The following REV3L variants were observed in gnomAD, a reference collection of about 807,000 sequenced individuals.
REV3L encodes DNA polymerase zeta catalytic subunit.
A neutral mutation model predicts 299.4 loss-of-function variants in REV3L; 69 were observed. That is an observed-to-expected ratio of 0.23 (90% CI 0.19 to 0.28). REV3L has a LOEUF of 0.28. REV3L is among the 10% of genes least tolerant of loss of function. The pLI is 1.00. For synonymous variants in REV3L, 1,238 were observed against 1,271.4 expected (o/e 0.97, Z 0.56); for missense variants, 3,128 against 3,693.8 (o/e 0.85, Z 3.97).
chr6:111,300,802 C>T (rs1002187513), intron 31 of REV3L, among the ~76,000 whole-genome samples: 4 of 152,130 alleles, frequency 2.6e-5, no homozygotes, highest in Admixed American at 2.0e-4. Flanking sequence ...GGATGTATAT[C>T]GCCTCAGGAC....
intron 1 of REV3L, among the ~76,000 whole-genome samples, chr6:111,425,498 A>G (rs2128294039): frequency 6.6e-6 from 1 of 152,322 alleles, no homozygotes; most frequent in East Asian, 1.9e-4. Context: ...AAATAAGCCC[A>G]TGAAAATCAC....
chr6:111,444,557 AAAG>A, intron 1 of REV3L, among the ~76,000 whole-genome samples: 1 of 152,354 alleles, frequency 6.6e-6, no homozygotes, highest in South Asian at 2.1e-4. Flanking sequence ...AAAAATGGTG[AAAG>A]AATATGATGG....
upstream of REV3L, chr6:111,483,392 G>A (rs1794017137): frequency 2.2e-6 from 1 of 460,902 alleles, no homozygotes; most frequent in Non-Finnish European, 3.9e-6. Flanking sequence ...CACGCGGCGA[G>A]GGAGGCGGCC....
At chr6:111,387,942 C>T in intron 8 of REV3L, 29 bp from the exon 9 acceptor site, 2 of 1,610,550 alleles carry the variant, frequency 1.2e-6, no homozygotes, top group Non-Finnish European at 1.7e-6. Flanking sequence ...TCCTTTATAA[C>T]AGACTACATA....
At chr6:111,471,440 A>C (rs1282969043) in intron 1 of REV3L, among the ~76,000 whole-genome samples, 1 of 152,186 alleles carries the variant, frequency 6.6e-6, no homozygotes, top group Admixed American at 6.5e-5. Context: ...AGTTTCTCCT[A>C]ATGTGAGGAA....
intron 1 of REV3L, among the ~76,000 whole-genome samples, chr6:111,469,331 G>C (rs1255801732): frequency 6.6e-6 from 1 of 152,086 alleles, no homozygotes; most frequent in Non-Finnish European, 1.5e-5. Flanking sequence ...GACAAAAATG[G>C]AATAAAAACA....
intron 13 of REV3L, among the ~76,000 whole-genome samples, chr6:111,371,649 C>T (rs1779807036): frequency 6.6e-6 from 1 of 151,872 alleles, no homozygotes; most frequent in Non-Finnish European, 1.5e-5. Flanking sequence ...CTACAACCTC[C>T]ACCTCCTGGG....
chr6:111,411,378 T>C, intron 3 of REV3L, 102 bp downstream of exon 3: 1 of 746,702 alleles, frequency 1.3e-6, no homozygotes, highest in Admixed American at 2.9e-5. Context: ...TCTCTGTCTT[T>C]AATAAGACTA....
intron 26 of REV3L, among the ~76,000 whole-genome samples, chr6:111,318,494 T>G (rs1773780779): frequency 6.6e-6 from 1 of 152,184 alleles, no homozygotes. Context: ...AAGTGTATGT[T>G]GAACTTCATG....
At chr6:111,388,939 G>A (rs1458812337) in intron 7 of REV3L, among the ~76,000 whole-genome samples, 167 bp downstream of exon 7, 1 of 152,148 alleles carries the variant, frequency 6.6e-6, no homozygotes, top group Non-Finnish European at 1.5e-5. Context: ...GGAGACAGCT[G>A]TAAAGATAAA....
At chr6:111,422,613 CACATATAT>C (rs1329147401) in intron 1 of REV3L, among the ~76,000 whole-genome samples, 1 of 7,180 alleles carries the variant, frequency 1.4e-4, no homozygotes, top group East Asian at 1.8e-3. Context: ...TATATATATA[CACATATAT>C]ATATATATAC....
intron 1 of REV3L, among the ~76,000 whole-genome samples, chr6:111,473,786 G>A (rs901568900): frequency 6.6e-6 from 1 of 151,894 alleles, no homozygotes; most frequent in Non-Finnish European, 1.5e-5. Context: ...GGGGGGAGAG[G>A]GGGTCAGTGT....
intron 1 of REV3L, among the ~76,000 whole-genome samples, chr6:111,421,414 T>G (rs1785333661): frequency 6.6e-6 from 1 of 152,176 alleles, no homozygotes; most frequent in Non-Finnish European, 1.5e-5. Context: ...ATGCTGTATC[T>G]GACACAATTA....
chr6:111,479,500 C>G (rs943822753), intron 1 of REV3L, among the ~76,000 whole-genome samples: 37 of 146,956 alleles, frequency 2.5e-4, no homozygotes, highest in African/African-American at 7.6e-4. Context: ...TCTGAATATC[C>G]CCCCCCGCCT....
At chr6:111,328,151 G>A (rs17540069) in intron 25 of REV3L, among the ~76,000 whole-genome samples, 2,410 of 152,226 alleles carry the variant, frequency 0.016, 27 homozygotes, top group Non-Finnish European at 0.023. Context: ...GTCATTCTAT[G>A]AAAAATGTCT....
chr6:111,396,381 G>T lies in REV3L; in HGVS notation c.566-3409C>A, dbSNP rs139083432. Reference sequence around the variant, plus strand: ...ATTTTTTTTTTTTTATGTTTTGTTGGATTCGATTTGTTAGTATTTTGTTGA... The same window carrying T: ...ATTTTTTTTTTTTTATGTTTTGTTGTATTCGATTTGTTAGTATTTTGTTGA... On this transcript the variant is annotated intron_variant, in intron 4 of 31. Transcript: ENST00000368802. 8.3e-4 allele frequency among the ~76,000 whole-genome samples: 125 copies of T among 151,246 alleles called. 1 individual carries two copies. The highest frequency in any genetic ancestry group is 2.9e-3 in the African/African-American group (120 of 41,220).
rs560245306 is a variant in REV3L, at chr6:111,395,670, T to C, written c.566-2698A>G. Among the ~76,000 whole-genome samples, 13 of 152,268 alleles carry C rather than the reference T, an allele frequency of 8.5e-5. No homozygotes were observed. The South Asian group carries it at 2.3e-3, about 27-fold the overall frequency. On this transcript the variant is annotated intron_variant, in intron 4 of 31. Coordinates refer to ENST00000368802, the MANE Select transcript of REV3L (RefSeq NM_001372078.1). ...AAAAGGGACAATTTGACCTCCTTTT[T>C]CCCAATTTGGTGTCTTTTATTACCT... is the stretch of plus-strand genomic sequence containing the variant.
chr6:111,483,536 C>T (rs917207751), upstream of REV3L: 4 of 505,732 alleles, frequency 7.9e-6, no homozygotes, highest in African/African-American at 6.0e-5. Flanking sequence ...AGGGGGGCGC[C>T]AGTGTTCGGG....
chr6:111,482,459 G>T (rs1192340659), intron 1 of REV3L, among the ~76,000 whole-genome samples: 1 of 151,990 alleles, frequency 6.6e-6, no homozygotes, highest in Non-Finnish European at 1.5e-5. Flanking sequence ...CCCGGCCCGC[G>T]CCCTGGAGTG....
Sources: gnomAD v4.1 joint callset for allele counts (sites outside exome capture counted in the v4.1 genomes callset) on GRCh38, gnomAD v4.1.1 for gene constraint, MANE v1.5 for transcripts, NCBI Gene and HGNC (gene_info 2026-07-23, HGNC 2026-07-21) for gene names.